TOR1AIP2: variants seen among roughly 807,000 people sequenced by gnomAD.
TOR1AIP2 encodes the protein torsin-1A-interacting protein 2.
In TOR1AIP2, 20 loss-of-function variants were observed where a neutral mutation model predicts 32.6. That is an observed-to-expected ratio of 0.61 (90% CI 0.43 to 0.89). The LOEUF is 0.89. TOR1AIP2 is among the 40% of genes least tolerant of loss of function. The probability of loss-of-function intolerance (pLI) is 0.00; values close to 1 mark genes in which losing one functional copy is unlikely to be tolerated. For missense variants in TOR1AIP2, 456 were observed against 553.8 expected, an observed-to-expected ratio of 0.82 and a Z score of 1.77; for synonymous variants, 214 against 210.8, an observed-to-expected ratio of 1.02 and a Z score of -0.13.
chr1:179,863,679 A>G (rs1350388969), intron 3 of TOR1AIP2: 1 of 306,496 alleles, frequency 3.3e-6, no homozygotes, highest in Non-Finnish European at 4.7e-6. Flanking sequence ...TTAAAAAGCA[A>G]AAAAAAAAAA....
Position 179,845,701 on chromosome 1 carries a change from G to A in TOR1AIP2, c.*370C>T, listed in dbSNP as rs754174435. On this transcript the variant is annotated 3_prime_UTR_variant, in exon 7 of 7. Transcript: ENST00000609928. ...TCCAAGTCCAAACATTATCGAAAAG[G>A]TTCTTCAGAGTCTCACTCAAGAAAA... The A allele has an allele frequency of 2.3e-4, 39 of 167,432 alleles. No individual in the cohort carries two copies. Among genetic ancestry groups the A allele is most frequent in the Middle Eastern group, 5.7e-3 (2 of 350 alleles). 10.4% of individuals were successfully genotyped at this position (167,432 alleles called of 1,614,324 possible). A position where few individuals can be genotyped will look rare whatever the true frequency, so the allele number is the denominator to read the frequency against.
At position 179,846,449 on chromosome 1, in the gene TOR1AIP2, C is replaced by T. The variant is rs767407479; in HGVS notation, c.1035G>A (p.Leu345=). The T allele has an allele frequency of 2.5e-6, 4 of 1,614,230 alleles. No individual in the cohort carries two copies. The highest frequency in any genetic ancestry group is 3.4e-6 in the Non-Finnish European group (4 of 1,180,040). ...CATAGCTCAGCTCCAGGTCAACCAA[C>T]AGCTTGACCGTGTCACTGTCCTGCC... ...RTWQDSDTVK[L]LVDLELSYGF... is the part of the protein sequence containing the mutation. The change falls in exon 7 of 7, where the codon CTG becomes CTA. Residue 345 remains leucine (L), a synonymous_variant. Transcript: ENST00000609928.
At chr1:179,862,577 T>C (rs1025667834) in intron 3 of TOR1AIP2, 2 of 985,418 alleles carry the variant, frequency 2.0e-6, no homozygotes, top group Non-Finnish European at 2.4e-6. Context: ...TTTCACAACA[T>C]GTAGCAAGTA....
At position 179,858,970 on chromosome 1, in the gene TOR1AIP2, C is replaced by A. The variant is rs1696410642; in HGVS notation, c.-146-6159G>T. 3 of 938,434 alleles carry A rather than the reference C, an allele frequency of 3.2e-6. No individual in the cohort carries two copies. In the East Asian group the frequency reaches 3.5e-4, roughly 109 times the overall value. The allele number at this position is 938,434 out of a possible 1,614,324, so 58.1% of individuals were successfully genotyped here. On this transcript the variant is annotated intron_variant, in intron 3 of 6. Coordinates refer to ENST00000609928, the MANE Select transcript of TOR1AIP2 (RefSeq NM_001199260.2). ...GCCAAGAAGAGCACAAAAGAATCAG[C>A]CATTCCAGGATGGTAGTTTAGATAT...
chr1:179,862,123 T>C, intron 3 of TOR1AIP2: 1 of 985,336 alleles, frequency 1.0e-6, no homozygotes, highest in Non-Finnish European at 1.2e-6. Context: ...GCTTAGGTAT[T>C]GATTTGAGAA....
chr1:179,852,877 CTTTA>C lies in TOR1AIP2; in HGVS notation c.-146-70_-146-67del, dbSNP rs1048885489. The C allele has an allele frequency of 1.4e-5, 16 of 1,160,150 alleles. No individual in the cohort carries two copies. In the African/African-American group the frequency reaches 2.2e-4, roughly 16 times the overall value. 71.9% of individuals were successfully genotyped at this position (1,160,150 alleles called of 1,614,324 possible). On this transcript the variant is annotated intron_variant, in intron 3 of 6. Transcript: ENST00000609928. ...TACAAGGGAGAAATGCAAGTATCAG[CTTTA>C]TTTATTAAATATGTGTAGCTTGAGT...
At chr1:179,864,726 C>G (rs1295056057) in intron 3 of TOR1AIP2, 5 of 1,514,836 alleles carry the variant, frequency 3.3e-6, no homozygotes, top group Non-Finnish European at 4.4e-6. Flanking sequence ...TTCCATCTTC[C>G]TTGGGCTACC....
intron 4 of TOR1AIP2, among the ~76,000 whole-genome samples, chr1:179,852,152 C>T (rs184735003): frequency 2.5e-4 from 38 of 151,954 alleles, no homozygotes; most frequent in African/African-American, 8.4e-4. Context: ...TGGTGGCAGG[C>T]GCCTGTAATC....
chr1:179,841,093 G>C lies in TOR1AIP2; in HGVS notation c.*4978C>G, dbSNP rs1354848965. On this transcript the variant is annotated 3_prime_UTR_variant, in exon 7 of 7. Transcript: ENST00000609928. ...AGTCATCTGGAGAAACTGTTTTACAGGTATCTTAACTTTATTTAGCTCTCT... is the reference window on the plus strand; with the variant it reads ...AGTCATCTGGAGAAACTGTTTTACACGTATCTTAACTTTATTTAGCTCTCT... The C allele has an allele frequency of 1.3e-5, 2 of 151,958 alleles. No homozygotes were observed. Among genetic ancestry groups the C allele is most frequent in the Non-Finnish European group, 2.9e-5 (2 of 67,984 alleles). The allele number at this position is 151,958 out of a possible 1,614,324, so 9.4% of individuals were successfully genotyped here.
In TOR1AIP2 at chr1:179,842,937, T is replaced by A. The variant is rs1487892882; in HGVS notation, c.*3134A>T. 6.7e-6 allele frequency: 1 copy of A among 150,350 alleles called. No individual in the cohort carries two copies. Among genetic ancestry groups the A allele is most frequent in the Non-Finnish European group, 1.5e-5 (1 of 67,874 alleles). The allele number at this position is 150,350 out of a possible 1,614,324, so 9.3% of individuals were successfully genotyped here. On this transcript the variant is annotated 3_prime_UTR_variant, in exon 7 of 7. Transcript: ENST00000609928. ...CGGGGCGGGCACCTGTAGTCCCAGC[T>A]ACTTGGAAGGCCGAGGCAGGAGAAT...
At chr1:179,855,828 T>G (rs964661168) in intron 3 of TOR1AIP2, among the ~76,000 whole-genome samples, 7 of 152,350 alleles carry the variant, frequency 4.6e-5, no homozygotes, top group African/African-American at 1.7e-4. Flanking sequence ...AATGTAATAT[T>G]ATGCATAGCA....
chr1:179,856,761 G>C lies in TOR1AIP2; in HGVS notation c.-146-3950C>G, dbSNP rs539404400. On this transcript the variant is annotated intron_variant, in intron 3 of 6. Coordinates refer to ENST00000609928, the MANE Select transcript of TOR1AIP2 (RefSeq NM_001199260.2). ...CCTTCATAGCTGGGACTACAGCTGC[G>C]CACCACCGTGCCCAGCTAATTTTTG... Among the ~76,000 whole-genome samples the C allele has an allele frequency of 5.3e-4, 80 of 152,218 alleles. 1 individual carries two copies. Among genetic ancestry groups the C allele is most frequent in the African/African-American group, 1.9e-3 (79 of 41,538 alleles).
chr1:179,850,122 G>A (rs1696059868), intron 5 of TOR1AIP2, among the ~76,000 whole-genome samples: 1 of 151,748 alleles, frequency 6.6e-6, no homozygotes, highest in African/African-American at 2.4e-5. Flanking sequence ...AAAGTTAGAA[G>A]AATGTTTGGA....
In TOR1AIP2 at chr1:179,846,643, G is replaced by A. The variant is rs1233850571; in HGVS notation, c.841C>T (p.Leu281Phe). 25 of 1,614,132 alleles carry A rather than the reference G, an allele frequency of 1.5e-5. No individual in the cohort carries two copies. Among genetic ancestry groups the A allele is most frequent in the Non-Finnish European group, 2.1e-5 (25 of 1,179,992 alleles). Reference sequence around the variant, plus strand: ...TTGGAAGCATTGAGGTGCTTCTGGAGAAACTTCCGTCCTCTCTGCCACAGG... The same window carrying A: ...TTGGAAGCATTGAGGTGCTTCTGGAAAAACTTCCGTCCTCTCTGCCACAGG... ...SFLWQRGRKF[L>F]QKHLNASNPT... is the part of the protein sequence containing the mutation. Residue 281 changes from leucine to phenylalanine, a missense_variant, in exon 7 of 7, where the codon CTC (leucine) becomes TTC (phenylalanine). Coordinates refer to ENST00000609928, the MANE Select transcript of TOR1AIP2 (RefSeq NM_001199260.2).
At chr1:179,855,871 T>A (rs561422119) in intron 3 of TOR1AIP2, among the ~76,000 whole-genome samples, 2 of 152,294 alleles carry the variant, frequency 1.3e-5, no homozygotes, top group Non-Finnish European at 2.9e-5. Flanking sequence ...TTAAAAGTTG[T>A]AAAATTATAG....
intron 3 of TOR1AIP2, among the ~76,000 whole-genome samples, chr1:179,856,451 C>T (rs1183610629): frequency 6.6e-6 from 1 of 152,228 alleles, no homozygotes; most frequent in Non-Finnish European, 1.5e-5. Flanking sequence ...CTACACCCCA[C>T]TTCATTCAGA....
intron 3 of TOR1AIP2, chr1:179,864,957 G>A (rs1423376679): frequency 6.2e-7 from 1 of 1,614,024 alleles, no homozygotes; most frequent in Admixed American, 1.7e-5. Context: ...AGATTCTGGG[G>A]AGCCCACTCA....
chr1:179,842,675 T>C lies in TOR1AIP2; in HGVS notation c.*3396A>G, dbSNP rs1348213927. 6.6e-6 allele frequency: 1 copy of C among 152,214 alleles called. No individual in the cohort carries two copies. Among genetic ancestry groups the C allele is most frequent in the Non-Finnish European group, 1.5e-5 (1 of 68,034 alleles). The allele number at this position is 152,214 out of a possible 1,614,324, so 9.4% of individuals were successfully genotyped here. ...ATTGTATGCCCACAAATCATTTTTC[T>C]AAGTCAAATAAGCAAATTATCTTTG... On this transcript the variant is annotated 3_prime_UTR_variant, in exon 7 of 7. Coordinates refer to ENST00000609928, the MANE Select transcript of TOR1AIP2 (RefSeq NM_001199260.2).
At chr1:179,850,702 G>A (rs947488323) in intron 5 of TOR1AIP2, 143 bp downstream of exon 5, 1 of 923,838 alleles carries the variant, frequency 1.1e-6, no homozygotes, top group East Asian at 2.6e-5. Flanking sequence ...GTCATGGCTT[G>A]GTGTGAGCTT....
Sources: allele counts gnomAD v4.1 joint callset (sites outside exome capture counted in the v4.1 genomes callset), GRCh38; gene constraint gnomAD v4.1.1; transcripts MANE v1.5; gene names NCBI Gene and HGNC (gene_info 2026-07-23, HGNC 2026-07-21).